CLCN3: variants seen among roughly 807,000 people sequenced by gnomAD.
The protein encoded by CLCN3 is H(+)/Cl(-) exchange transporter 3.
CLCN3 carries 16 observed loss-of-function variants against 83.4 expected under a neutral mutation model. The observed-to-expected ratio is 0.19, with a 90% CI of 0.13 to 0.29. The LOEUF is 0.29. CLCN3 is among the 10% of genes least tolerant of loss of function. The pLI is 1.00. For missense variants in CLCN3, 544 were observed against 1,006.0 expected, an observed-to-expected ratio of 0.54 and a Z score of 6.21; for synonymous variants, 322 against 346.2, an observed-to-expected ratio of 0.93 and a Z score of 0.78.
chr4:169,628,219 TAGA>T (rs914885086), intron 1 of CLCN3, among the ~76,000 whole-genome samples: 1 of 151,970 alleles, frequency 6.6e-6, no homozygotes, highest in African/African-American at 2.4e-5. Context: ...TTAGGAAAAA[TAGA>T]AGAAAATTTT....
At chr4:169,700,856 A>G (rs994174318) in intron 9 of CLCN3, among the ~76,000 whole-genome samples, 2 of 152,244 alleles carry the variant, frequency 1.3e-5, no homozygotes, top group Non-Finnish European at 2.9e-5. Flanking sequence ...TAATTTAAAA[A>G]TACTTGATTG....
At chr4:169,642,319 T>C (rs1454151479) in intron 2 of CLCN3, among the ~76,000 whole-genome samples, 1 of 152,154 alleles carries the variant, frequency 6.6e-6, no homozygotes, top group Non-Finnish European at 1.5e-5. Flanking sequence ...TTTAGTTAAA[T>C]GATTCAAAGT....
intron 6 of CLCN3, among the ~76,000 whole-genome samples, chr4:169,691,344 T>C (rs1159288106): frequency 2.0e-5 from 3 of 152,180 alleles, no homozygotes; most frequent in African/African-American, 7.2e-5. Flanking sequence ...TCATTCACTT[T>C]TTATAATTAC....
Position 169,697,511 on chromosome 4 carries a change from A to G in CLCN3, c.1340A>G (p.Tyr447Cys). ...GCTGTGATAGCCTTCCCTAATCCAT[A>G]CACTAGGCTAAACACCAGTGAACTG... is the stretch of plus-strand genomic sequence containing the variant. ...ITAVIAFPNP[Y>C]TRLNTSELIK... Residue 447 changes from tyrosine (Y) to cysteine (C), a missense_variant, in exon 9 of 13, where the codon TAC (tyrosine) becomes TGC (cysteine). By Grantham distance (194) the Tyr-to-Cys change is radical. Around this residue, in one of 6 missense-constraint regions of CLCN3, gnomAD observed 194 missense variants for 341.4 expected, o/e 0.57. Transcript: ENST00000513761. The G allele has an allele frequency of 6.2e-7, 1 of 1,614,172 alleles. No homozygotes were observed. Among genetic ancestry groups the G allele is most frequent in the South Asian group, 1.1e-5 (1 of 91,072 alleles).
chr4:169,718,911 A>G (rs993168342), intron 12 of CLCN3, among the ~76,000 whole-genome samples: 1 of 152,160 alleles, frequency 6.6e-6, no homozygotes. Context: ...TTTTAATGTA[A>G]GCATTAACAA....
At chr4:169,668,273 C>A (rs554479920) in intron 2 of CLCN3, among the ~76,000 whole-genome samples, 1 of 152,032 alleles carries the variant, frequency 6.6e-6, no homozygotes, top group Admixed American at 6.6e-5. Context: ...CCTGCCACAG[C>A]GTCCTGATTA....
intron 1 of CLCN3, among the ~76,000 whole-genome samples, chr4:169,623,481 C>T (rs1477679000): frequency 2.0e-5 from 3 of 152,154 alleles, no homozygotes; most frequent in Non-Finnish European, 2.9e-5. Context: ...CAAATTAACA[C>T]GTCCATCATA....
At chr4:169,709,210 A>G (rs1033810967) in intron 11 of CLCN3, among the ~76,000 whole-genome samples, 1 of 150,510 alleles carries the variant, frequency 6.6e-6, no homozygotes. Flanking sequence ...ATAATGATAA[A>G]TACTTTATTG....
intron 2 of CLCN3, among the ~76,000 whole-genome samples, chr4:169,639,816 C>CA (rs1241470508): frequency 6.6e-6 from 1 of 152,002 alleles, no homozygotes; most frequent in Non-Finnish European, 1.5e-5. Context: ...TTTAGCATAC[C>CA]AAAAAATAAC....
chr4:169,710,437 T>C (rs1293745352), intron 11 of CLCN3, among the ~76,000 whole-genome samples: 4 of 152,206 alleles, frequency 2.6e-5, no homozygotes, highest in Non-Finnish European at 5.9e-5. Flanking sequence ...GGCTAATTTT[T>C]GTATTTCTTG....
intron 2 of CLCN3, among the ~76,000 whole-genome samples, chr4:169,652,530 C>T (rs772102129): frequency 6.6e-6 from 1 of 152,252 alleles, no homozygotes; most frequent in South Asian, 2.1e-4. Flanking sequence ...TTTACCTATT[C>T]ATTTTACTTT....
intron 2 of CLCN3, among the ~76,000 whole-genome samples, chr4:169,637,327 T>C (rs1581193193): frequency 6.6e-6 from 1 of 152,060 alleles, no homozygotes; most frequent in African/African-American, 2.4e-5. Flanking sequence ...GGTGAAGATA[T>C]CATCAATTCT....
intron 4 of CLCN3, among the ~76,000 whole-genome samples, chr4:169,688,452 T>G (rs913163913): frequency 6.6e-6 from 1 of 152,210 alleles, no homozygotes; most frequent in African/African-American, 2.4e-5. Flanking sequence ...AAAATTTTTG[T>G]GGAGAATAAA....
At chr4:169,679,703 ACACGGCAAAACCC>A in intron 2 of CLCN3, among the ~76,000 whole-genome samples, 1 of 152,348 alleles carries the variant, frequency 6.6e-6, no homozygotes, top group South Asian at 2.1e-4. Flanking sequence ...AGCCCGGCCA[ACACGGCAAAACCC>A]CATCTCCACC....
At chr4:169,704,327 A>C (rs1732909479) in intron 10 of CLCN3, 143 bp downstream of exon 10, 2 of 667,584 alleles carry the variant, frequency 3.0e-6, no homozygotes, top group Admixed American at 5.6e-5. Flanking sequence ...ACAGATAAGA[A>C]ACAGTAGTAC....
intron 2 of CLCN3, chr4:169,643,165 A>G (rs17627781): frequency 0.051 from 7,735 of 152,310 alleles, 283 homozygotes; most frequent in Admixed American, 0.096. Flanking sequence ...AAGCCACCAG[A>G]AGTCATCTTA....
intron 8 of CLCN3, 59 bp downstream of exon 8, chr4:169,695,751 C>A: frequency 1.7e-6 from 2 of 1,198,470 alleles, no homozygotes; most frequent in Non-Finnish European, 2.4e-6. Flanking sequence ...AAATATATTT[C>A]ACACATTTCA....
At chr4:169,684,846 C>A (rs1301370925) in intron 3 of CLCN3, among the ~76,000 whole-genome samples, 1 of 152,166 alleles carries the variant, frequency 6.6e-6, no homozygotes, top group African/African-American at 2.4e-5. Flanking sequence ...ACAATACACA[C>A]ATACAACATT....
chr4:169,624,105 T>A (rs1773171509), intron 1 of CLCN3, among the ~76,000 whole-genome samples: 1 of 152,176 alleles, frequency 6.6e-6, no homozygotes, highest in Non-Finnish European at 1.5e-5. Context: ...GCTAATGTAA[T>A]CAGTAGACCA....
Sources: allele counts gnomAD v4.1 joint callset (sites outside exome capture counted in the v4.1 genomes callset), GRCh38; gene constraint gnomAD v4.1.1; regional missense constraint gnomAD v4.1.1; transcripts MANE v1.5; gene names NCBI Gene and HGNC (gene_info 2026-07-23, HGNC 2026-07-21).